ACAT2: variants seen among roughly 807,000 people sequenced by gnomAD.
The protein encoded by ACAT2 is acetyl-CoA acetyltransferase, cytosolic.
In ACAT2, 26 loss-of-function variants were observed where a neutral mutation model predicts 37.1. That is an observed-to-expected ratio of 0.70 (90% CI 0.51 to 0.97). The LOEUF (loss-of-function observed/expected upper bound fraction) is 0.97, where lower values mean the gene tolerates loss of function less well. Among genes scored for constraint, ACAT2 ranks in the 50% least tolerant of loss-of-function variants. The probability of loss-of-function intolerance (pLI) is 0.00; values close to 1 mark genes in which losing one functional copy is unlikely to be tolerated. For synonymous variants in ACAT2, 156 were observed against 163.6 expected, an observed-to-expected ratio of 0.95 and a Z score of 0.35; for missense variants, 468 against 489.0, an observed-to-expected ratio of 0.96 and a Z score of 0.40.
At chr6:159,778,450 G>C (rs774655866) in intron 8 of ACAT2, 170 bp downstream of exon 8, 2 of 504,510 alleles carry the variant, frequency 4.0e-6, no homozygotes, top group Non-Finnish European at 6.4e-6. Flanking sequence ...AAAAAAAAAA[G>C]ACATTGGCTT....
chr6:159,762,726 C>T, intron 1 of ACAT2, 193 bp from the exon 2 acceptor site: 2 of 1,541,196 alleles, frequency 1.3e-6, no homozygotes, highest in African/African-American at 1.4e-5. Context: ...CTGTCCAGCC[C>T]TCGGCTGCTG....
In ACAT2 at chr6:159,767,206, G is replaced by A; in HGVS notation, c.372+20G>A. 2 of 1,612,996 alleles carry A rather than the reference G, an allele frequency of 1.2e-6. No homozygotes were observed. The highest frequency in any genetic ancestry group is 1.7e-6 in the Non-Finnish European group (2 of 1,179,234). On this transcript the variant is annotated intron_variant, in intron 3 of 8. Coordinates refer to ENST00000367048, the MANE Select transcript of ACAT2 (RefSeq NM_005891.3). The stretch of plus-strand genomic sequence containing the variant: ...AGCAAGGTAAGGCCTCTCTGATGAG[G>A]TGGCTTTCACTGACCTCACACTGAG...
At chr6:159,776,992 G>A (rs1780430474) in intron 6 of ACAT2, among the ~76,000 whole-genome samples, 1 of 152,036 alleles carries the variant, frequency 6.6e-6, no homozygotes, top group Non-Finnish European at 1.5e-5. Context: ...TCACCCTATT[G>A]GTCAGGCTGG....
Position 159,762,077 on chromosome 6 carries a change from G to A in ACAT2, c.-11G>A. 2 of 1,612,848 alleles carry A rather than the reference G, an allele frequency of 1.2e-6. No individual in the cohort carries two copies. The highest frequency in any genetic ancestry group is 2.2e-5 in the South Asian group (2 of 90,814). ...AGGCAGCGCAGGGCAGACGGCGGCA[G>A]GAGAAGCAAGATGAATGCAGGCTCA... On this transcript the variant is annotated 5_prime_UTR_variant, in exon 1 of 9. Coordinates refer to ENST00000367048, the MANE Select transcript of ACAT2 (RefSeq NM_005891.3).
chr6:159,765,574 C>T (rs987543607), intron 2 of ACAT2, among the ~76,000 whole-genome samples: 1 of 151,606 alleles, frequency 6.6e-6, no homozygotes, highest in African/African-American at 2.4e-5. Flanking sequence ...GGATTACAGG[C>T]GTGCACCACC....
chr6:159,766,494 C>T (rs1780258303), intron 2 of ACAT2, among the ~76,000 whole-genome samples: 1 of 152,022 alleles, frequency 6.6e-6, no homozygotes, highest in Non-Finnish European at 1.5e-5. Context: ...CTCCGCTTCC[C>T]AGGTTCAAGC....
chr6:159,762,643 G>T, intron 1 of ACAT2: 4 of 1,440,442 alleles, frequency 2.8e-6, no homozygotes, highest in Non-Finnish European at 1.8e-6. Context: ...GAAGCATGGG[G>T]TCGCATCCAG....
rs148353835 is a variant in ACAT2, at chr6:159,774,734, C to G, written c.491-436C>G. Reference sequence around the variant, plus strand: ...GGGATTACAGGTGTGAGCCGCCACACTTGGCCCAATTTCTTGAGTTTTATA... The same window carrying G: ...GGGATTACAGGTGTGAGCCGCCACAGTTGGCCCAATTTCTTGAGTTTTATA... On this transcript the variant is annotated intron_variant, in intron 4 of 8. Transcript: ENST00000367048. Among the ~76,000 whole-genome samples, 826 of 152,336 alleles carry G rather than the reference C, an allele frequency of 5.4e-3. 9 individuals are homozygous for G. Among genetic ancestry groups the G allele is most frequent in the African/African-American group, 0.019 (798 of 41,576 alleles).
At chr6:159,771,666 A>C (rs988946391) in intron 4 of ACAT2, among the ~76,000 whole-genome samples, 3 of 151,368 alleles carry the variant, frequency 2.0e-5, no homozygotes, top group African/African-American at 7.3e-5. Context: ...AAAAAAAAAC[A>C]AGAGTGAAAG....
At chr6:159,772,905 G>A (rs1398586932) in intron 4 of ACAT2, among the ~76,000 whole-genome samples, 1 of 152,128 alleles carries the variant, frequency 6.6e-6, no homozygotes, top group Non-Finnish European at 1.5e-5. Context: ...GTGGAGACGG[G>A]TCTCACTCTG....
At chr6:159,763,166 G>A in intron 2 of ACAT2, 113 bp downstream of exon 2, 1 of 1,427,490 alleles carries the variant, frequency 7.0e-7, no homozygotes, top group East Asian at 2.4e-5. Context: ...TCAAGTTCTT[G>A]CCTCCTTGCT....
At chr6:159,762,292 G>GCCTC in intron 1 of ACAT2, 150 bp downstream of exon 1, 5 of 1,253,114 alleles carry the variant, frequency 4.0e-6, no homozygotes, top group Non-Finnish European at 5.4e-6. Context: ...GGAACCCTGC[G>GCCTC]GCTCCCGCGT....
chr6:159,774,946 T>C (rs1373291803), intron 4 of ACAT2, among the ~76,000 whole-genome samples: 1 of 152,172 alleles, frequency 6.6e-6, no homozygotes, highest in Non-Finnish European at 1.5e-5. Flanking sequence ...TTTACAATTA[T>C]ATAGAAAGGG....
At position 159,762,825 on chromosome 6, in the gene ACAT2, T is replaced by C. The variant is rs757056474; in HGVS notation, c.56-94T>C. Reference sequence around the variant, plus strand: ...AGGGCACTGCCTCCTCGCGTGGCCTTGCCAAACAGGGTCATGAGGCTCCCC... The same window carrying C: ...AGGGCACTGCCTCCTCGCGTGGCCTCGCCAAACAGGGTCATGAGGCTCCCC... On this transcript the variant is annotated intron_variant, in intron 1 of 8. Transcript: ENST00000367048. The C allele has an allele frequency of 3.1e-6, 5 of 1,596,390 alleles. No homozygotes were observed. In the Admixed American group the frequency reaches 6.8e-5, roughly 22 times the overall value.
rs764262503 is a variant in ACAT2, at chr6:159,767,136, A to G, written c.322A>G (p.Ile108Val). 1.2e-6 allele frequency: 2 copies of G among 1,614,188 alleles called. No individual in the cohort carries two copies. ...AVCLAVQSIG[I>V]GDSSIVVAGG... ...GTGCCTTGCAGTCCAGTCAATAGGG[A>G]TAGGAGACTCCAGCATTGTGGTTGC... is the stretch of plus-strand genomic sequence containing the variant. Residue 108 changes from isoleucine (I) to valine (V), a missense_variant, in exon 3 of 9, where the codon ATA becomes GTA. Transcript: ENST00000367048.
Position 159,777,368 on chromosome 6 carries a change from C to A in ACAT2, c.824C>A (p.Thr275Lys), listed in dbSNP as rs756252155. The A allele has an allele frequency of 5.0e-6, 8 of 1,614,082 alleles. No individual in the cohort carries two copies. The African/African-American group carries it at 9.3e-5, about 19-fold the overall frequency. The change falls in exon 7 of 9, where the codon ACA (threonine) becomes AAA (lysine). Residue 275 changes from threonine (T) to lysine (K), a missense_variant. Thr to Lys is a moderately conservative substitution (Grantham distance 78). Transcript: ENST00000367048. ...TCAGAAGCTGATAAACGTGGGCTTA[C>A]ACCTTTAGCACGGATAGTTTCCTGG... ...KKSEADKRGLTPLARIVSWSQ... is the reference protein window; with the variant it reads ...KKSEADKRGLKPLARIVSWSQ...
At chr6:159,763,131 C>G (rs1780183827) in intron 2 of ACAT2, 78 bp downstream of exon 2, 2 of 1,499,042 alleles carry the variant, frequency 1.3e-6, no homozygotes, top group Non-Finnish European at 1.8e-6. Context: ...CACACTCTCA[C>G]ACACTCACAC....
rs879209594 is a variant in ACAT2 at position 159,779,025 on chromosome 6, T to C, written c.*196T>C. 1 of 1,605,460 alleles carries C rather than the reference T, an allele frequency of 6.2e-7. No individual in the cohort carries two copies. Among genetic ancestry groups the C allele is most frequent in the Non-Finnish European group, 8.5e-7 (1 of 1,173,526 alleles). ...AAGACAATTGCATTTAACATTGTTA[T>C]AAATAAAAGGAACATCAGATCAATC... On this transcript the variant is annotated 3_prime_UTR_variant, in exon 9 of 9. Transcript: ENST00000367048.
intron 4 of ACAT2, among the ~76,000 whole-genome samples, chr6:159,772,233 A>C (rs978076893): frequency 6.6e-6 from 1 of 152,216 alleles, no homozygotes; most frequent in Non-Finnish European, 1.5e-5. Flanking sequence ...ATCTCTAAAT[A>C]AATAAATAAA....
Sources: allele counts gnomAD v4.1 joint callset (sites outside exome capture counted in the v4.1 genomes callset), GRCh38; gene constraint gnomAD v4.1.1; transcripts MANE v1.5; gene names NCBI Gene and HGNC (gene_info 2026-07-23, HGNC 2026-07-21).